AFAP1: variants seen among roughly 807,000 people sequenced by gnomAD.
AFAP1 encodes the protein actin filament-associated protein 1.
AFAP1 carries 75 observed loss-of-function variants against 93.9 expected under a neutral mutation model. The observed-to-expected ratio is 0.80, with a 90% CI of 0.66 to 0.97. The LOEUF is 0.97. Ranked by LOEUF, AFAP1 falls within the 50% of genes least tolerant of loss-of-function variation. The pLI is 0.00. For missense variants in AFAP1, 1,201 were observed against 1,050.8 expected, an observed-to-expected ratio of 1.14 and a Z score of -1.98; for synonymous variants, 517 against 430.7, an observed-to-expected ratio of 1.20 and a Z score of -2.48.
chr4:7,902,578 A>G (rs1577347175), intron 1 of AFAP1, among the ~76,000 whole-genome samples: 1 of 152,298 alleles, frequency 6.6e-6, no homozygotes, highest in East Asian at 1.9e-4. Flanking sequence ...ATGTATGAGA[A>G]ACAGGGACAT....
At chr4:7,897,307 C>A (rs1718842773) in intron 1 of AFAP1, among the ~76,000 whole-genome samples, 1 of 152,144 alleles carries the variant, frequency 6.6e-6, no homozygotes, top group Non-Finnish European at 1.5e-5. Context: ...TGTTTACGAA[C>A]AAACGGTAGG....
chr4:7,838,573 G>C lies in AFAP1; in HGVS notation c.677C>G (p.Pro226Arg). The change falls in exon 6 of 18, where the codon CCG becomes CGG. Residue 226 changes from proline (P) to arginine (R), a missense_variant. Transcript: ENST00000420658. Reference sequence around the variant, plus strand: ...CTTGCTCTGGACGGCGAGAACAAGCGGGTCCGTGCCCTGCTGAGTAATCTT... The same window carrying C: ...CTTGCTCTGGACGGCGAGAACAAGCCGGTCCGTGCCCTGCTGAGTAATCTT... ...ELKITQQGTD[P>R]LVLAVQSKEQ... The C allele has an allele frequency of 6.2e-7, 1 of 1,614,108 alleles. No individual in the cohort carries two copies. The highest frequency in any genetic ancestry group is 8.5e-7 in the Non-Finnish European group (1 of 1,180,002).
intron 1 of AFAP1, among the ~76,000 whole-genome samples, chr4:7,881,780 C>A (rs77475787): frequency 9.3e-5 from 13 of 140,506 alleles, no homozygotes; most frequent in South Asian, 2.3e-4. Flanking sequence ...GACTCCATCT[C>A]AAAAAAAAAA....
chr4:7,852,653 G>A (rs1423890698), intron 4 of AFAP1, among the ~76,000 whole-genome samples: 2 of 152,094 alleles, frequency 1.3e-5, no homozygotes, highest in East Asian at 1.9e-4. Context: ...ACCAACCAAG[G>A]GGTTTGCTGG....
chr4:7,797,496 T>C (rs1261255917), intron 10 of AFAP1, among the ~76,000 whole-genome samples: 1 of 152,226 alleles, frequency 6.6e-6, no homozygotes, highest in Non-Finnish European at 1.5e-5. Context: ...TATAATTCTC[T>C]GCTGGATCCC....
chr4:7,769,660 CCA>C (rs1023206962), intron 16 of AFAP1, among the ~76,000 whole-genome samples: 5 of 151,960 alleles, frequency 3.3e-5, no homozygotes, highest in Non-Finnish European at 7.4e-5. Flanking sequence ...GAAAAAAACG[CCA>C]CAGTCTGCTG....
chr4:7,856,028 GAC>G (rs899462008), intron 3 of AFAP1, among the ~76,000 whole-genome samples: 1 of 152,122 alleles, frequency 6.6e-6, no homozygotes, highest in African/African-American at 2.4e-5. Flanking sequence ...GGGCTCCTGG[GAC>G]ACAGATGCTC....
chr4:7,796,761 A>C (rs1462856851), intron 10 of AFAP1, among the ~76,000 whole-genome samples: 1 of 140,068 alleles, frequency 7.1e-6, no homozygotes, highest in Non-Finnish European at 1.5e-5. Context: ...AAAAAAAAAA[A>C]ACAAAAAAAA....
At chr4:7,936,944 C>T (rs548320068) in intron 1 of AFAP1, among the ~76,000 whole-genome samples, 1 of 152,236 alleles carries the variant, frequency 6.6e-6, no homozygotes, top group Admixed American at 6.5e-5. Context: ...CTACTCAAGG[C>T]ACTCTCAAAA....
At chr4:7,797,244 CAA>C (rs1034960110) in intron 10 of AFAP1, among the ~76,000 whole-genome samples, 4 of 152,034 alleles carry the variant, frequency 2.6e-5, no homozygotes, top group Non-Finnish European at 4.4e-5. Flanking sequence ...TTGTTACAGG[CAA>C]AGAGTCATTA....
chr4:7,824,211 G>T (rs1322182747), intron 6 of AFAP1, among the ~76,000 whole-genome samples: 1 of 152,170 alleles, frequency 6.6e-6, no homozygotes, highest in African/African-American at 2.4e-5. Flanking sequence ...GTATTTAAGA[G>T]AACTGGATCC....
intron 12 of AFAP1, among the ~76,000 whole-genome samples, chr4:7,783,924 G>A (rs1345673732): frequency 6.6e-6 from 1 of 152,214 alleles, no homozygotes; most frequent in Non-Finnish European, 1.5e-5. Context: ...TCAGGATGCA[G>A]ATGAGTGTGG....
rs376039236 is a variant in AFAP1 at position 7,759,539 on chromosome 4, C to A, written c.*4226G>T. ...TATTTCACAGTATGAACCCAGCCCA[C>A]CAAGGGGATAAGAAGACAGTGACAA... On this transcript the variant is annotated 3_prime_UTR_variant, in exon 18 of 18. Transcript: ENST00000420658. 29 of 152,648 alleles carry A rather than the reference C, an allele frequency of 1.9e-4. No homozygotes were observed. The highest frequency in any genetic ancestry group is 3.4e-3 in the Middle Eastern group (1 of 294). 9.5% of individuals were successfully genotyped at this position (152,648 alleles called of 1,614,324 possible).
At chr4:7,928,092 A>G (rs952340151) in intron 1 of AFAP1, among the ~76,000 whole-genome samples, 7 of 152,160 alleles carry the variant, frequency 4.6e-5, no homozygotes, top group African/African-American at 1.7e-4. Flanking sequence ...AAGAACATGG[A>G]CCCAGTTCTG....
intron 7 of AFAP1, among the ~76,000 whole-genome samples, chr4:7,816,496 A>C (rs1206766920): frequency 6.6e-6 from 1 of 152,230 alleles, no homozygotes; most frequent in East Asian, 1.9e-4. Flanking sequence ...TCTTCCTGTC[A>C]TTCACCAATA....
Position 7,855,583 on chromosome 4 carries a change from G to T in AFAP1, c.226-9C>A. 1 of 1,593,988 alleles carries T rather than the reference G, an allele frequency of 6.3e-7. No homozygotes were observed. Among genetic ancestry groups the T allele is most frequent in the African/African-American group, 1.3e-5 (1 of 74,644 alleles). ...GGCCCACTGTCAGGAGGCTGAGGAA[G>T]AAAGGAAAAGTGACACAGAAATTAG... On this transcript the variant is annotated splice_polypyrimidine_tract_variant and intron_variant, in intron 3 of 17. Transcript: ENST00000420658.
chr4:7,904,244 G>C (rs545959228), intron 1 of AFAP1, among the ~76,000 whole-genome samples: 1 of 152,166 alleles, frequency 6.6e-6, no homozygotes, highest in South Asian at 2.1e-4. Context: ...CAGAGTGCAC[G>C]GGGCCGACTG....
intron 8 of AFAP1, among the ~76,000 whole-genome samples, chr4:7,814,765 C>T (rs4072297): frequency 8.6e-5 from 13 of 151,972 alleles, no homozygotes; most frequent in Non-Finnish European, 1.6e-4. Context: ...CAGAGGCAGA[C>T]GGGGGAGAAA....
chr4:7,822,129 G>C (rs563341673), intron 6 of AFAP1, among the ~76,000 whole-genome samples: 1 of 152,190 alleles, frequency 6.6e-6, no homozygotes, highest in South Asian at 2.1e-4. Flanking sequence ...TATTTGATTT[G>C]AGGACAAGAC....
Sources: allele counts gnomAD v4.1 joint callset (sites outside exome capture counted in the v4.1 genomes callset), GRCh38; gene constraint gnomAD v4.1.1; transcripts MANE v1.5; gene names NCBI Gene and HGNC (gene_info 2026-07-23, HGNC 2026-07-21).